ETS1: variants seen among roughly 807,000 people sequenced by gnomAD.
The protein encoded by ETS1 is protein C-ets-1.
A neutral mutation model predicts 58.6 loss-of-function variants in ETS1; 15 were observed. The ratio of observed to expected loss-of-function variants is 0.26; its 90% CI spans 0.17 to 0.39. The LOEUF (loss-of-function observed/expected upper bound fraction) is 0.39, where lower values mean the gene tolerates loss of function less well. Ranked by LOEUF, ETS1 falls within the 10% of genes least tolerant of loss-of-function variation. ETS1 has a pLI of 1.00. For synonymous variants in ETS1, 214 were observed against 218.2 expected (o/e 0.98, Z 0.17); for missense variants, 417 against 610.5 (o/e 0.68, Z 3.34).
chr11:128,504,369 A>G (rs1863174240), intron 3 of ETS1, among the ~76,000 whole-genome samples: 1 of 152,210 alleles, frequency 6.6e-6, no homozygotes, highest in South Asian at 2.1e-4. Flanking sequence ...TATAGGATGC[A>G]TAAAGCCTTA....
chr11:128,578,683 C>T (rs963638867), intron 1 of ETS1, among the ~76,000 whole-genome samples: 8 of 152,138 alleles, frequency 5.3e-5, no homozygotes, highest in Admixed American at 1.3e-4. Flanking sequence ...ATGTCACACA[C>T]ACACACGTGA....
chr11:128,549,696 C>T lies in ETS1; in HGVS notation c.214+6595G>A, dbSNP rs1310608741. ...TTGTCTGTCTTGGTTTCCTTCCTTC[C>T]CGGGGACCTAAAGGGGTGATTTACA... is the stretch of plus-strand genomic sequence containing the variant. On this transcript the variant is annotated intron_variant, in intron 3 of 9. Coordinates refer to ENST00000392668, the MANE Select transcript of ETS1 (RefSeq NM_001143820.2). The surrounding 1 kb of genome is among the most constrained non-coding windows in gnomAD (Gnocchi z 4.3). Among the ~76,000 whole-genome samples, 1 of 152,126 alleles carries T rather than the reference C, an allele frequency of 6.6e-6. No individual in the cohort carries two copies. Among genetic ancestry groups the T allele is most frequent in the Non-Finnish European group, 1.5e-5 (1 of 68,018 alleles).
At chr11:128,498,133 C>T (rs1358458040) in intron 3 of ETS1, among the ~76,000 whole-genome samples, 1 of 152,172 alleles carries the variant, frequency 6.6e-6, no homozygotes, top group Non-Finnish European at 1.5e-5. Context: ...CTCTACCCAC[C>T]ATGCTGTGAG....
At chr11:128,584,235 A>G (rs181923411) in intron 1 of ETS1, among the ~76,000 whole-genome samples, 111 of 152,382 alleles carry the variant, frequency 7.3e-4, no homozygotes, top group African/African-American at 2.6e-3. Context: ...CACAGATACC[A>G]CTTCAGAAAA....
chr11:128,528,788 T>C (rs1436674516), intron 3 of ETS1, among the ~76,000 whole-genome samples: 1 of 152,214 alleles, frequency 6.6e-6, no homozygotes, highest in Non-Finnish European at 1.5e-5. Context: ...AACTGACTCA[T>C]TTCTAACTAA....
At chr11:128,505,958 C>T (rs1351760111) in intron 3 of ETS1, among the ~76,000 whole-genome samples, 1 of 152,188 alleles carries the variant, frequency 6.6e-6, no homozygotes, top group Admixed American at 6.5e-5. Flanking sequence ...TGGAGCCTAA[C>T]CAATGAGCCC....
rs139307352 is a variant in ETS1 at position 128,527,857 on chromosome 11, T to C, written c.214+28434A>G. ...AACAGATGTTCTCTGCAGTTGTGGT[T>C]TGAATCTTACATTAAGACAATTTCA... is the stretch of plus-strand genomic sequence containing the variant. On this transcript the variant is annotated intron_variant, in intron 3 of 9. Transcript: ENST00000392668. 3.4e-3 allele frequency among the ~76,000 whole-genome samples: 515 copies of C among 152,328 alleles called. 5 individuals carry two copies. The highest frequency in any genetic ancestry group is 0.012 in the African/African-American group (494 of 41,560).
intron 1 of ETS1, among the ~76,000 whole-genome samples, chr11:128,578,429 A>C (rs1864796011): frequency 6.6e-6 from 1 of 152,192 alleles, no homozygotes; most frequent in East Asian, 1.9e-4. Flanking sequence ...TTCCTAAAAG[A>C]AAAACTACGC....
intron 3 of ETS1, among the ~76,000 whole-genome samples, chr11:128,506,076 A>G (rs1477706813): frequency 6.6e-6 from 1 of 152,160 alleles, no homozygotes; most frequent in Non-Finnish European, 1.5e-5. Context: ...GCTCCAGATC[A>G]GGAATACGAG....
At position 128,586,467 on chromosome 11, in the gene ETS1, C is replaced by T. The variant is rs529501351; in HGVS notation, c.-15+1021G>A. ...AAATAGGCCACCAAACCCAAAACCA[C>T]AACTGATGAAAGAGTTATAGTATCA... On this transcript the variant is annotated intron_variant, in intron 1 of 9. Coordinates refer to ENST00000392668, the MANE Select transcript of ETS1 (RefSeq NM_001143820.2). Among the ~76,000 whole-genome samples the T allele has an allele frequency of 2.6e-5, 4 of 152,300 alleles. No homozygotes were observed. The South Asian group carries it at 8.3e-4, about 32-fold the overall frequency.
chr11:128,548,620 A>C (rs937194316), intron 3 of ETS1, among the ~76,000 whole-genome samples: 1 of 152,232 alleles, frequency 6.6e-6, no homozygotes, highest in Non-Finnish European at 1.5e-5. Context: ...CTTCTGTTCC[A>C]ACCGTCTATT....
At chr11:128,574,449 A>G (rs1864701432) in intron 1 of ETS1, among the ~76,000 whole-genome samples, 2 of 152,188 alleles carry the variant, frequency 1.3e-5, no homozygotes, top group South Asian at 4.1e-4. Flanking sequence ...GATCTCCACT[A>G]CAGCAAAACC....
At chr11:128,555,173 C>G (rs1465999982) in intron 3 of ETS1, among the ~76,000 whole-genome samples, 1 of 152,200 alleles carries the variant, frequency 6.6e-6, no homozygotes, top group Non-Finnish European at 1.5e-5. Context: ...AAATGGAAAG[C>G]TACTCCCCAT....
intron 2 of ETS1, among the ~76,000 whole-genome samples, chr11:128,562,171 G>A (rs1222751702): frequency 6.6e-6 from 1 of 152,200 alleles, no homozygotes; most frequent in African/African-American, 2.4e-5. Context: ...GGGAGGCCGG[G>A]AGGCCAAGGC....
intron 3 of ETS1, among the ~76,000 whole-genome samples, chr11:128,552,183 G>T (rs1864240941): frequency 6.6e-6 from 1 of 152,078 alleles, no homozygotes; most frequent in South Asian, 2.1e-4. Flanking sequence ...AGTTGTCTAA[G>T]GTCACACAGT....
chr11:128,489,673 A>G (rs1184448497), intron 4 of ETS1, among the ~76,000 whole-genome samples, 183 bp from the exon 5 acceptor site: 1 of 152,076 alleles, frequency 6.6e-6, no homozygotes, highest in Non-Finnish European at 1.5e-5. Context: ...TCCATATTCA[A>G]CATCTCCGCC....
At chr11:128,583,328 G>A (rs1056715025) in intron 1 of ETS1, among the ~76,000 whole-genome samples, 1 of 152,166 alleles carries the variant, frequency 6.6e-6, no homozygotes, top group Non-Finnish European at 1.5e-5. Context: ...AGTAGCTCAG[G>A]ACCTGTCAGT....
Position 128,573,051 on chromosome 11 carries a change from CCACCACTCACCACCA to C in ETS1, c.65_69+10del. 6.3e-7 allele frequency: 1 copy of C among 1,598,536 alleles called. No individual in the cohort carries two copies. Among genetic ancestry groups the C allele is most frequent in the Non-Finnish European group, 8.5e-7 (1 of 1,172,174 alleles). ...TGTGGGCAAAGGGGCAGGGAAGGGG[CCACCACTCACCACCA>C]CTGCAGGACGAGGCGCTGAGTAAGG... On this transcript the variant is annotated splice_donor_variant and splice_donor_5th_base_variant and coding_sequence_variant and intron_variant, in exon 2 of 10. Coordinates refer to ENST00000392668, the MANE Select transcript of ETS1 (RefSeq NM_001143820.2). LOFTEE classifies it high-confidence loss of function.
intron 8 of ETS1, among the ~76,000 whole-genome samples, chr11:128,479,723 T>G (rs1016967562): frequency 6.6e-6 from 1 of 152,114 alleles, no homozygotes; most frequent in East Asian, 1.9e-4. Flanking sequence ...GTTCCCACAT[T>G]TGAACAGCTG....
Sources: gnomAD v4.1 joint callset for allele counts (sites outside exome capture counted in the v4.1 genomes callset) on GRCh38, gnomAD v4.1.1 for gene constraint, Gnocchi (gnomAD v3.1) non-coding constraint, MANE v1.5 for transcripts, NCBI Gene and HGNC (gene_info 2026-07-23, HGNC 2026-07-21) for gene names.